C2orf92: variants seen among roughly 807,000 people sequenced by gnomAD.
C2orf92 encodes chromosome 2 open reading frame 92.
chr2:97,693,252 C>T (rs1676198433), intron 5 of C2orf92, among the ~76,000 whole-genome samples: 1 of 152,130 alleles, frequency 6.6e-6, no homozygotes, highest in East Asian at 1.9e-4. Context: ...GGGTTGCTCT[C>T]ACATCTTGGC....
chr2:97,687,446 G>GA (rs1676003247), intron 3 of C2orf92, among the ~76,000 whole-genome samples: 3 of 152,146 alleles, frequency 2.0e-5, no homozygotes, highest in Non-Finnish European at 4.4e-5. Flanking sequence ...GCAAAGCCAA[G>GA]GCCCAAGGAA....
At chr2:97,700,278 C>T (rs1443257044) in intron 6 of C2orf92, among the ~76,000 whole-genome samples, 1 of 152,154 alleles carries the variant, frequency 6.6e-6, no homozygotes, top group Non-Finnish European at 1.5e-5. Flanking sequence ...GTGTTTGCCT[C>T]GTGCTGGTGC....
intron 3 of C2orf92, among the ~76,000 whole-genome samples, chr2:97,683,076 C>CACACA (rs1553565169): frequency 4.8e-4 from 69 of 143,270 alleles, no homozygotes; most frequent in African/African-American, 1.8e-3. Context: ...CATATAGACT[C>CACACA]CACACACACA....
At chr2:97,678,681 T>C (rs1243918795) in intron 3 of C2orf92, among the ~76,000 whole-genome samples, 1 of 151,592 alleles carries the variant, frequency 6.6e-6, no homozygotes, top group Non-Finnish European at 1.5e-5. Flanking sequence ...AGAAAAATAA[T>C]GTAATCAGCA....
At chr2:97,696,899 T>C (rs779763358) in intron 5 of C2orf92, among the ~76,000 whole-genome samples, 1 of 152,222 alleles carries the variant, frequency 6.6e-6, no homozygotes, top group Non-Finnish European at 1.5e-5. Flanking sequence ...GAATGGAACA[T>C]AGCATCAGTC....
At chr2:97,675,542 C>CT (rs1675545529) in intron 2 of C2orf92, 1 of 287,990 alleles carries the variant, frequency 3.5e-6, no homozygotes, top group African/African-American at 2.2e-5. Context: ...TGCCATACAC[C>CT]ATGTAGGCCT....
intron 5 of C2orf92, among the ~76,000 whole-genome samples, chr2:97,695,658 T>C (rs1048860173): frequency 6.6e-6 from 1 of 152,268 alleles, no homozygotes; most frequent in Admixed American, 6.5e-5. Flanking sequence ...CTTCAGTCAA[T>C]TGCTTTAACA....
At chr2:97,671,986 A>C (rs1426640148) in intron 1 of C2orf92, among the ~76,000 whole-genome samples, 2 of 152,216 alleles carry the variant, frequency 1.3e-5, no homozygotes, top group Non-Finnish European at 2.9e-5. Flanking sequence ...GCTGAGACTC[A>C]TTGGTCTCCA....
At chr2:97,676,741 C>T (rs1490114631) in intron 3 of C2orf92, among the ~76,000 whole-genome samples, 4 of 151,862 alleles carry the variant, frequency 2.6e-5, no homozygotes, top group African/African-American at 9.7e-5. Flanking sequence ...CACTGTACTC[C>T]AGCCTGGGCA....
chr2:97,668,438 C>T (rs1417305037), upstream of C2orf92: 2 of 152,120 alleles, frequency 1.3e-5, no homozygotes, highest in East Asian at 1.9e-4. Flanking sequence ...AATGTGGACT[C>T]AGGTGTGTAT....
chr2:97,697,023 C>G (rs963934747), intron 5 of C2orf92, among the ~76,000 whole-genome samples: 2 of 152,192 alleles, frequency 1.3e-5, no homozygotes, highest in South Asian at 2.1e-4. Context: ...AGCACAAAGT[C>G]AGAGTTTCTT....
At chr2:97,696,428 T>C (rs1024673454) in intron 5 of C2orf92, among the ~76,000 whole-genome samples, 2 of 151,422 alleles carry the variant, frequency 1.3e-5, no homozygotes, top group African/African-American at 4.9e-5. Flanking sequence ...TTGGCAGTAG[T>C]GACCATTCAA....
intron 7 of C2orf92, among the ~76,000 whole-genome samples, chr2:97,701,542 G>A (rs1676497636): frequency 6.6e-6 from 1 of 152,220 alleles, no homozygotes; most frequent in African/African-American, 2.4e-5. Flanking sequence ...GTGGGCCAGG[G>A]TTGCCTCTCA....
At chr2:97,673,119 T>A (rs887922855) in intron 1 of C2orf92, among the ~76,000 whole-genome samples, 9 of 152,204 alleles carry the variant, frequency 5.9e-5, no homozygotes, top group African/African-American at 2.2e-4. Flanking sequence ...TCTGCCCCCA[T>A]GGCTCCTACC....
upstream of C2orf92, chr2:97,665,752 TATATATATA>T (rs1267354276): frequency 1.4e-5 from 1 of 72,796 alleles, no homozygotes; most frequent in African/African-American, 3.9e-5. Context: ...TATATATATA[TATATATATA>T]TATATATATA....
intron 6 of C2orf92, among the ~76,000 whole-genome samples, chr2:97,700,769 G>T (rs952798818): frequency 6.6e-6 from 1 of 151,558 alleles, no homozygotes; most frequent in Non-Finnish European, 1.5e-5. Flanking sequence ...TTTTGCCCAG[G>T]CTGGAGTGCA....
chr2:97,666,263 C>G (rs1415178243), upstream of C2orf92, among the ~76,000 whole-genome samples: 1 of 151,348 alleles, frequency 6.6e-6, no homozygotes, highest in Admixed American at 6.6e-5. Flanking sequence ...TGGGGCCGGG[C>G]GCGGTGGCTT....
intron 3 of C2orf92, chr2:97,677,771 A>G (rs1339939719): frequency 6.6e-6 from 1 of 152,238 alleles, no homozygotes; most frequent in Admixed American, 6.5e-5. Flanking sequence ...TAAATCAACC[A>G]TCTTCAAAAT....
Position 97,675,911 on chromosome 2 carries a change from A to C in C2orf92, c.215A>C (p.His72Pro), listed in dbSNP as rs1199699702. The C allele has an allele frequency of 5.0e-6, 2 of 398,990 alleles. No individual in the cohort carries two copies. Among genetic ancestry groups the C allele is most frequent in the Non-Finnish European group, 8.8e-6 (2 of 226,074 alleles). 24.7% of individuals were successfully genotyped at this position (398,990 alleles called of 1,614,324 possible). Residue 72 changes from histidine (H) to proline (P), a missense_variant, in exon 3 of 8, where the codon CAT becomes CCT. Coordinates refer to ENST00000627399, the MANE Select transcript of C2orf92 (RefSeq NM_001351368.2). ...FASGSNEREEHLAKIFDEILL... is the reference protein window; with the variant it reads ...FASGSNEREEPLAKIFDEILL... ...TCAGGTTCAAATGAGCGAGAGGAACATTTGGCTAAAATATTTGGTAAGTAG... is the reference window on the plus strand; with the variant it reads ...TCAGGTTCAAATGAGCGAGAGGAACCTTTGGCTAAAATATTTGGTAAGTAG...
Sources: gnomAD v4.1 joint callset for allele counts (sites outside exome capture counted in the v4.1 genomes callset) on GRCh38, gnomAD v4.1.1 for gene constraint, MANE v1.5 for transcripts, NCBI Gene and HGNC (gene_info 2026-07-23, HGNC 2026-07-21) for gene names.